The following PLXNA4 variants were observed in gnomAD, a reference collection of about 807,000 sequenced individuals.
PLXNA4 encodes the protein plexin-A4.
A neutral mutation model predicts 191.8 loss-of-function variants in PLXNA4; 44 were observed. The observed-to-expected ratio is 0.23, with a 90% CI of 0.18 to 0.29. The LOEUF is 0.29. PLXNA4 is among the 10% of genes least tolerant of loss of function. The pLI is 1.00. For synonymous variants in PLXNA4, 1,082 were observed against 1,009.5 expected (o/e 1.07, Z -1.36); for missense variants, 1,800 against 2,488.8 (o/e 0.72, Z 5.89).
At chr7:132,224,603 AT>A (rs1414971963) in intron 8 of PLXNA4, among the ~76,000 whole-genome samples, 2 of 152,308 alleles carry the variant, frequency 1.3e-5, no homozygotes, top group East Asian at 3.9e-4. Context: ...GATGCTTAAA[AT>A]CATTTTATGG....
At chr7:132,185,248 A>G (rs1796837789) in intron 16 of PLXNA4, 51 bp downstream of exon 16, 1 of 1,557,266 alleles carries the variant, frequency 6.4e-7, no homozygotes, top group South Asian at 1.2e-5. Flanking sequence ...AGAGTCAGGG[A>G]AGGGAAACAG....
At chr7:132,134,696 G>A (rs188250794) in intron 30 of PLXNA4, among the ~76,000 whole-genome samples, 11 of 152,334 alleles carry the variant, frequency 7.2e-5, no homozygotes, top group African/African-American at 2.4e-4. Context: ...CAGGCAACAA[G>A]GCCAAGGGCG....
At chr7:132,617,969 C>T (rs983427309) in intron 2 of PLXNA4, among the ~76,000 whole-genome samples, 1 of 152,176 alleles carries the variant, frequency 6.6e-6, no homozygotes, top group Non-Finnish European at 1.5e-5. Flanking sequence ...TGTAAGGTGG[C>T]TGCTCCAGTT....
At chr7:132,559,558 A>G (rs963802014) in intron 1 of PLXNA4, among the ~76,000 whole-genome samples, 4 of 152,180 alleles carry the variant, frequency 2.6e-5, no homozygotes, top group African/African-American at 9.7e-5. Flanking sequence ...CCCATCCCCA[A>G]GTCTCACTAC....
intron 3 of PLXNA4, among the ~76,000 whole-genome samples, chr7:132,399,915 T>C (rs1482438304): frequency 6.6e-6 from 1 of 152,042 alleles, no homozygotes; most frequent in Non-Finnish European, 1.5e-5. Flanking sequence ...CCTGTGTAAC[T>C]AACAATCCAA....
At chr7:132,376,699 C>T (rs910304670) in intron 3 of PLXNA4, among the ~76,000 whole-genome samples, 3 of 152,196 alleles carry the variant, frequency 2.0e-5, no homozygotes, top group African/African-American at 7.2e-5. Flanking sequence ...GAGGCAGCGC[C>T]CACCACCTTT....
chr7:132,642,281 T>C (rs1432192504), intron 2 of PLXNA4, among the ~76,000 whole-genome samples: 2 of 152,148 alleles, frequency 1.3e-5, no homozygotes, highest in African/African-American at 2.4e-5. Flanking sequence ...TAGTAAATTA[T>C]GATTAAATTT....
At chr7:132,317,068 T>C (rs1801971669) in intron 3 of PLXNA4, among the ~76,000 whole-genome samples, 1 of 152,100 alleles carries the variant, frequency 6.6e-6, no homozygotes, top group African/African-American at 2.4e-5. Context: ...TTAGGTTGGG[T>C]TGAATTGGAT....
At chr7:132,379,275 T>C (rs1804793304) in intron 3 of PLXNA4, among the ~76,000 whole-genome samples, 1 of 152,172 alleles carries the variant, frequency 6.6e-6, no homozygotes, top group Non-Finnish European at 1.5e-5. Flanking sequence ...CTGTGTACTA[T>C]GGGAATGGGT....
intron 3 of PLXNA4, among the ~76,000 whole-genome samples, chr7:132,315,072 T>C (rs1801892722): frequency 6.6e-6 from 1 of 152,228 alleles, no homozygotes; most frequent in Admixed American, 6.5e-5. Context: ...TCTTCCTCTG[T>C]GGCACTTTCT....
At chr7:132,495,466 G>A (rs948555211) in intron 2 of PLXNA4, among the ~76,000 whole-genome samples, 1 of 152,148 alleles carries the variant, frequency 6.6e-6, no homozygotes, top group African/African-American at 2.4e-5. Flanking sequence ...GTGACCAGCA[G>A]GGATGTGCCA....
chr7:132,464,175 G>T (rs978956647), intron 3 of PLXNA4, among the ~76,000 whole-genome samples: 2 of 152,190 alleles, frequency 1.3e-5, no homozygotes, highest in Non-Finnish European at 2.9e-5. Context: ...GCTGAGATGC[G>T]AAAAATAACA....
At chr7:132,590,266 G>T (rs1020458439) in intron 2 of PLXNA4, among the ~76,000 whole-genome samples, 3 of 152,198 alleles carry the variant, frequency 2.0e-5, no homozygotes, top group Non-Finnish European at 2.9e-5. Context: ...ATTAGAAATA[G>T]AGACTAAGTC....
intron 3 of PLXNA4, among the ~76,000 whole-genome samples, chr7:132,470,650 C>A (rs776349848): frequency 1.3e-5 from 2 of 152,156 alleles, no homozygotes; most frequent in Non-Finnish European, 2.9e-5. Context: ...TAGGCACACT[C>A]ATATCACATG....
rs760233715 is a variant in PLXNA4, at chr7:132,223,601, A to G, written c.2023T>C (p.Cys675Arg). 1 of 1,613,798 alleles carries G rather than the reference A, an allele frequency of 6.2e-7. No individual in the cohort carries two copies. Among genetic ancestry groups the G allele is most frequent in the Non-Finnish European group, 8.5e-7 (1 of 1,179,896 alleles). ...CVESPYRCHW[C>R]KYRHVCTHDP... The stretch of plus-strand genomic sequence containing the variant: ...TGGGTGCAGACATGCCGGTATTTAC[A>G]CCAGTGGCAGCGGTATGGACTCTCC... The change falls in exon 9 of 32, where the codon TGT (cysteine) becomes CGT (arginine). Residue 675 changes from cysteine to arginine, a missense_variant. Coordinates refer to ENST00000321063, the MANE Select transcript of PLXNA4 (RefSeq NM_020911.2).
intron 19 of PLXNA4, among the ~76,000 whole-genome samples, chr7:132,180,379 A>G (rs1796664486): frequency 6.6e-6 from 1 of 152,176 alleles, no homozygotes; most frequent in Non-Finnish European, 1.5e-5. Flanking sequence ...CATTTTCCTT[A>G]TTGTTGCACC....
intron 5 of PLXNA4, among the ~76,000 whole-genome samples, chr7:132,235,246 G>C (rs1475221100): frequency 6.6e-6 from 1 of 152,236 alleles, no homozygotes; most frequent in African/African-American, 2.4e-5. Flanking sequence ...ATGAGGACCT[G>C]CTGCATTGTA....
intron 1 of PLXNA4, among the ~76,000 whole-genome samples, chr7:132,529,517 A>G (rs1799539277): frequency 1.3e-5 from 2 of 152,198 alleles, no homozygotes; most frequent in Non-Finnish European, 2.9e-5. Context: ...TTTTAAAAAC[A>G]CAGATTTCAG....
chr7:132,582,175 CTT>C (rs1182264457), upstream of PLXNA4, among the ~76,000 whole-genome samples: 2 of 152,246 alleles, frequency 1.3e-5, no homozygotes, highest in African/African-American at 2.4e-5. Flanking sequence ...GCACCTCTCT[CTT>C]GGCACTGCCT....
Sources: gnomAD v4.1 joint callset for allele counts (sites outside exome capture counted in the v4.1 genomes callset) on GRCh38, gnomAD v4.1.1 for gene constraint, MANE v1.5 for transcripts, NCBI Gene and HGNC (gene_info 2026-07-23, HGNC 2026-07-21) for gene names.